RASGRP3: variants seen among roughly 807,000 people sequenced by gnomAD.
RASGRP3 encodes the protein ras guanyl-releasing protein 3.
In RASGRP3, 54 loss-of-function variants were observed where a neutral mutation model predicts 82.7. That is an observed-to-expected ratio of 0.65 (90% CI 0.52 to 0.82). The LOEUF (loss-of-function observed/expected upper bound fraction) is 0.82. Among genes scored for constraint, RASGRP3 ranks in the 40% least tolerant of loss-of-function variants. RASGRP3 has a pLI of 0.00. For synonymous variants in RASGRP3, 309 were observed against 300.5 expected (o/e 1.03, Z -0.29); for missense variants, 861 against 828.9 (o/e 1.04, Z -0.48).
At chr2:33,534,108 T>C in intron 10 of RASGRP3, 2 of 547,506 alleles carry the variant, frequency 3.7e-6, no homozygotes, top group Non-Finnish European at 6.5e-6. Flanking sequence ...AGGAATTGAG[T>C]TGATGGTTCT....
rs1272910076 is a variant in RASGRP3 at position 33,563,157 on chromosome 2, T to A, written c.*420T>A. ...TTGTGTGTGCTGTGGCAGGGAACAG[T>A]TAACAAGGAGTTTATTTAGAGGGGT... On this transcript the variant is annotated 3_prime_UTR_variant, in exon 18 of 18. Coordinates refer to ENST00000403687, the MANE Select transcript of RASGRP3 (RefSeq NM_001139488.2). 5.6e-6 allele frequency: 1 copy of A among 179,548 alleles called. No homozygotes were observed. Among genetic ancestry groups the A allele is most frequent in the Non-Finnish European group, 1.2e-5 (1 of 86,722 alleles). The allele number at this position is 179,548 out of a possible 1,614,324, so 11.1% of individuals were successfully genotyped here. A position where few individuals can be genotyped will look rare whatever the true frequency, so the allele number is the denominator to read the frequency against.
At chr2:33,544,449 G>A (rs187363034) in intron 13 of RASGRP3, among the ~76,000 whole-genome samples, 11 of 151,798 alleles carry the variant, frequency 7.2e-5, no homozygotes, top group South Asian at 2.1e-4. Flanking sequence ...GCTTTTTAGC[G>A]TCAAATGATT....
intron 13 of RASGRP3, among the ~76,000 whole-genome samples, chr2:33,548,063 TAAA>T (rs1674975430): frequency 6.6e-6 from 1 of 150,938 alleles, no homozygotes; most frequent in African/African-American, 2.4e-5. Context: ...ACTTCGGGAG[TAAA>T]AGAAGGTAGA....
intron 13 of RASGRP3, among the ~76,000 whole-genome samples, chr2:33,546,384 C>T (rs1214393080): frequency 1.3e-5 from 2 of 149,638 alleles, no homozygotes; most frequent in Admixed American, 6.7e-5. Flanking sequence ...GATCGCACCA[C>T]TGCACTCCAG....
At chr2:33,441,805 G>C (rs192701513) in intron 1 of RASGRP3, among the ~76,000 whole-genome samples, 1 of 152,116 alleles carries the variant, frequency 6.6e-6, no homozygotes, top group Non-Finnish European at 1.5e-5. Context: ...AAAGCAAAAA[G>C]TCTATCTTTT....
intron 1 of RASGRP3, among the ~76,000 whole-genome samples, chr2:33,494,972 G>A (rs182000812): frequency 1.3e-5 from 2 of 152,346 alleles, no homozygotes; most frequent in African/African-American, 4.8e-5. Context: ...CAGGCAAGAG[G>A]TGAAATTTGT....
At chr2:33,537,605 C>A (rs1022435916) in intron 11 of RASGRP3, among the ~76,000 whole-genome samples, 2 of 152,126 alleles carry the variant, frequency 1.3e-5, no homozygotes, top group Non-Finnish European at 2.9e-5. Flanking sequence ...AGGTGATCCA[C>A]CTGCCTCAGC....
chr2:33,462,039 C>A (rs1396247213), intron 2 of RASGRP3, among the ~76,000 whole-genome samples: 1 of 152,026 alleles, frequency 6.6e-6, no homozygotes, highest in African/African-American at 2.4e-5. Flanking sequence ...AGAGCAAAAG[C>A]GATTAACTGG....
chr2:33,454,504 G>C (rs796209268), intron 2 of RASGRP3, among the ~76,000 whole-genome samples: 6 of 152,330 alleles, frequency 3.9e-5, no homozygotes, highest in African/African-American at 1.2e-4. Context: ...ATTATAAAAA[G>C]CAATGAGTGT....
At chr2:33,559,318 C>A (rs1676385953) in intron 17 of RASGRP3, among the ~76,000 whole-genome samples, 1 of 152,084 alleles carries the variant, frequency 6.6e-6, no homozygotes, top group African/African-American at 2.4e-5. Flanking sequence ...CCCCAGAAAC[C>A]CATGACTATA....
intron 1 of RASGRP3, among the ~76,000 whole-genome samples, chr2:33,491,593 G>A (rs1311046468): frequency 6.6e-6 from 1 of 152,212 alleles, no homozygotes; most frequent in African/African-American, 2.4e-5. Flanking sequence ...ACAAGATGGT[G>A]TAGAGATTGC....
intron 2 of RASGRP3, among the ~76,000 whole-genome samples, chr2:33,459,361 C>G (rs1436469110): frequency 1.3e-5 from 2 of 152,206 alleles, no homozygotes; most frequent in African/African-American, 2.4e-5. Flanking sequence ...GTCTCGATCT[C>G]CTGACTTCAT....
At chr2:33,512,619 AT>A (rs1671036992) in intron 2 of RASGRP3, among the ~76,000 whole-genome samples, 1 of 152,216 alleles carries the variant, frequency 6.6e-6, no homozygotes, top group Non-Finnish European at 1.5e-5. Flanking sequence ...CTTAAAGCTG[AT>A]TTAGTAAACA....
At chr2:33,517,479 C>T (rs987078344) in intron 4 of RASGRP3, among the ~76,000 whole-genome samples, 2 of 152,152 alleles carry the variant, frequency 1.3e-5, no homozygotes, top group Non-Finnish European at 2.9e-5. Context: ...GGGAGAGGCA[C>T]CATCAAGTGT....
upstream of RASGRP3, among the ~76,000 whole-genome samples, chr2:33,473,177 A>G (rs1044131430): frequency 1.3e-5 from 2 of 152,182 alleles, no homozygotes; most frequent in African/African-American, 2.4e-5. Flanking sequence ...CCTGGCTAAC[A>G]TGGTGAAACC....
At chr2:33,513,350 A>G (rs1671121854) in intron 2 of RASGRP3, among the ~76,000 whole-genome samples, 1 of 152,172 alleles carries the variant, frequency 6.6e-6, no homozygotes, top group South Asian at 2.1e-4. Flanking sequence ...AACCATACAT[A>G]TGGACATTAG....
At chr2:33,486,128 A>T (rs1262248416) in intron 1 of RASGRP3, among the ~76,000 whole-genome samples, 2 of 150,642 alleles carry the variant, frequency 1.3e-5, no homozygotes, top group Non-Finnish European at 1.5e-5. Flanking sequence ...TTCACTTGGT[A>T]TTTCTTTTCT....
rs770487193 is a variant in RASGRP3, at chr2:33,555,527, A to G, written c.1543-4A>G. The G allele has an allele frequency of 1.9e-6, 3 of 1,595,730 alleles. No individual in the cohort carries two copies. Among genetic ancestry groups the G allele is most frequent in the African/African-American group, 1.3e-5 (1 of 74,752 alleles). Reference sequence around the variant, plus strand: ...CCCTGACATTCCTTTGTCTTTTGTTACAGCTCTGGGGCATAATCAAGCAAG... The same window carrying G: ...CCCTGACATTCCTTTGTCTTTTGTTGCAGCTCTGGGGCATAATCAAGCAAG... On this transcript the variant is annotated splice_polypyrimidine_tract_variant and splice_region_variant and intron_variant, in intron 14 of 17. Coordinates refer to ENST00000403687, the MANE Select transcript of RASGRP3 (RefSeq NM_001139488.2).
At chr2:33,444,590 CTA>C (rs1409432726) in intron 1 of RASGRP3, among the ~76,000 whole-genome samples, 1 of 152,138 alleles carries the variant, frequency 6.6e-6, no homozygotes, top group African/African-American at 2.4e-5. Flanking sequence ...GAAATTTAGA[CTA>C]TGAGATATTG....
Sources: allele counts gnomAD v4.1 joint callset (sites outside exome capture counted in the v4.1 genomes callset), GRCh38; gene constraint gnomAD v4.1.1; transcripts MANE v1.5; gene names NCBI Gene and HGNC (gene_info 2026-07-23, HGNC 2026-07-21).